The following ESRRG variants were observed in gnomAD, a reference collection of about 807,000 sequenced individuals.
The protein encoded by ESRRG is estrogen related receptor gamma, also known as estrogen-related receptor gamma.
A neutral mutation model predicts 44.0 loss-of-function variants in ESRRG; 13 were observed. The ratio of observed to expected loss-of-function variants is 0.30; its 90% CI spans 0.19 to 0.47. The LOEUF (loss-of-function observed/expected upper bound fraction) is 0.47, where lower values mean the gene tolerates loss of function less well. Among genes scored for constraint, ESRRG ranks in the 20% least tolerant of loss-of-function variants. The pLI is 1.00. For synonymous variants in ESRRG, 215 were observed against 214.6 expected (o/e 1.00, Z -0.02); for missense variants, 395 against 580.6 (o/e 0.68, Z 3.29).
intron 3 of ESRRG, among the ~76,000 whole-genome samples, chr1:216,644,446 T>G (rs2067102109): frequency 2.3e-5 from 3 of 132,914 alleles, no homozygotes; most frequent in Admixed American, 2.2e-4. Context: ...TTTTTTTTTC[T>G]GAGACAGAAT....
At chr1:216,952,661 T>C (rs924806499) in intron 1 of ESRRG, among the ~76,000 whole-genome samples, 1 of 152,158 alleles carries the variant, frequency 6.6e-6, no homozygotes, top group Non-Finnish European at 1.5e-5. Flanking sequence ...CTGAGAGTCA[T>C]GCAAGATAGC....
chr1:216,655,333 G>A (rs1023635208), intron 2 of ESRRG, among the ~76,000 whole-genome samples: 9 of 152,124 alleles, frequency 5.9e-5, no homozygotes, highest in African/African-American at 2.2e-4. Flanking sequence ...ATTTTAGTGG[G>A]TGGTGTCATG....
At chr1:216,915,239 TGAA>T (rs1424106606) in intron 2 of ESRRG, among the ~76,000 whole-genome samples, 1 of 152,114 alleles carries the variant, frequency 6.6e-6, no homozygotes, top group Non-Finnish European at 1.5e-5. Context: ...TGGGGCAACT[TGAA>T]GAAGACAAAG....
intron 1 of ESRRG, among the ~76,000 whole-genome samples, chr1:216,698,255 C>A (rs552426464): frequency 2.0e-5 from 3 of 152,126 alleles, no homozygotes; most frequent in African/African-American, 7.2e-5. Context: ...CGGTGGCTCA[C>A]GCCTGTAATC....
intron 2 of ESRRG, among the ~76,000 whole-genome samples, chr1:216,775,621 T>G (rs1189135358): frequency 7.3e-6 from 1 of 137,910 alleles, no homozygotes; most frequent in Non-Finnish European, 1.5e-5. Context: ...TCGCACAGGC[T>G]GGTCATCGCA....
intron 1 of ESRRG, among the ~76,000 whole-genome samples, chr1:216,991,018 G>T: frequency 6.6e-6 from 1 of 152,118 alleles, no homozygotes; most frequent in South Asian, 2.1e-4. Context: ...ACAGGGAGGC[G>T]AGCACTACCA....
At chr1:216,825,664 G>A (rs1025219548) in intron 2 of ESRRG, among the ~76,000 whole-genome samples, 1 of 152,218 alleles carries the variant, frequency 6.6e-6, no homozygotes, top group Non-Finnish European at 1.5e-5. Flanking sequence ...GATGCTAGAA[G>A]TGTATGTAGT....
intron 1 of ESRRG, among the ~76,000 whole-genome samples, chr1:216,967,922 G>A (rs1304020739): frequency 2.0e-5 from 3 of 152,074 alleles, no homozygotes; most frequent in African/African-American, 7.2e-5. Context: ...TCAGCGTCTT[G>A]GATTTTGGCC....
At chr1:216,815,633 C>T (rs1016719095) in intron 2 of ESRRG, among the ~76,000 whole-genome samples, 5 of 152,136 alleles carry the variant, frequency 3.3e-5, no homozygotes, top group African/African-American at 7.2e-5. Flanking sequence ...ACTGCAGTTG[C>T]GACACAACAG....
intron 2 of ESRRG, among the ~76,000 whole-genome samples, chr1:216,806,490 A>G (rs1472992643): frequency 1.3e-5 from 2 of 152,192 alleles, no homozygotes. Context: ...AGGTTTTGAA[A>G]TAGGTCTTTT....
chr1:217,069,123 C>T (rs2090200512), intron 1 of ESRRG, among the ~76,000 whole-genome samples: 1 of 152,168 alleles, frequency 6.6e-6, no homozygotes, highest in African/African-American at 2.4e-5. Flanking sequence ...CATCCTTAAT[C>T]TGTTTGGGTA....
At chr1:216,594,630 G>A (rs975972743) in intron 3 of ESRRG, among the ~76,000 whole-genome samples, 5 of 152,144 alleles carry the variant, frequency 3.3e-5, no homozygotes, top group Admixed American at 2.0e-4. Flanking sequence ...GAAAAAAATG[G>A]TTTGAGTTTG....
intron 2 of ESRRG, among the ~76,000 whole-genome samples, chr1:216,806,341 T>C (rs537494878): frequency 6.6e-6 from 1 of 152,312 alleles, no homozygotes; most frequent in Non-Finnish European, 1.5e-5. Flanking sequence ...ATTTGAAATG[T>C]CATGTTGCTG....
intron 2 of ESRRG, among the ~76,000 whole-genome samples, chr1:216,655,927 A>T (rs11572700): frequency 0.16 from 24,587 of 152,062 alleles, 2,544 homozygotes; most frequent in South Asian, 0.33. Context: ...TCTATTCAAT[A>T]AAGAAAGCAT....
intron 1 of ESRRG, among the ~76,000 whole-genome samples, chr1:216,718,618 A>G (rs1383337303): frequency 6.6e-6 from 1 of 151,948 alleles, no homozygotes; most frequent in African/African-American, 2.4e-5. Context: ...GAGAACTGCA[A>G]TTCATTCTAT....
rs1013164331 is a variant in ESRRG at position 216,504,135 on chromosome 1, G to A, written c.*2804C>T. 3 of 152,422 alleles carry A rather than the reference G, an allele frequency of 2.0e-5. No homozygotes were observed. The highest frequency in any genetic ancestry group is 7.2e-5 in the African/African-American group (3 of 41,398). The allele number at this position is 152,422 out of a possible 1,614,324, so 9.4% of individuals were successfully genotyped here. On this transcript the variant is annotated 3_prime_UTR_variant, in exon 7 of 7. Transcript: ENST00000408911. ...TATCTCCATCTCAGGTTTTCAGTTGGTTGGCTCTTACTTCTGAAGCCCAAG... is the reference window on the plus strand; with the variant it reads ...TATCTCCATCTCAGGTTTTCAGTTGATTGGCTCTTACTTCTGAAGCCCAAG...
At chr1:216,755,300 C>A (rs1236745369) in intron 2 of ESRRG, among the ~76,000 whole-genome samples, 2 of 151,728 alleles carry the variant, frequency 1.3e-5, no homozygotes, top group African/African-American at 4.8e-5. Flanking sequence ...GCCTTTAAAG[C>A]AAAAATTAAT....
rs560809017 is a variant in ESRRG, at chr1:216,607,598, C to G, written c.590-39500G>C. On this transcript the variant is annotated intron_variant, in intron 3 of 6. Coordinates refer to ENST00000408911, the MANE Select transcript of ESRRG (RefSeq NM_001438.4). ...ATAAAATGACTCTAATCTGATAGAC[C>G]AGAGCACCCACGCCAGTAACCACAA... Among the ~76,000 whole-genome samples the G allele has an allele frequency of 8.5e-5, 13 of 152,264 alleles. No homozygotes were observed. The South Asian group carries it at 2.5e-3, about 29-fold the overall frequency.
At chr1:216,748,906 G>T (rs528237323) in intron 2 of ESRRG, among the ~76,000 whole-genome samples, 1 of 152,132 alleles carries the variant, frequency 6.6e-6, no homozygotes, top group Non-Finnish European at 1.5e-5. Flanking sequence ...CAGAGCTGGG[G>T]AGGGGCCCAT....
Sources: allele counts gnomAD v4.1 joint callset (sites outside exome capture counted in the v4.1 genomes callset), GRCh38; gene constraint gnomAD v4.1.1; transcripts MANE v1.5; gene names NCBI Gene and HGNC (gene_info 2026-07-23, HGNC 2026-07-21).